The following CHUK variants were observed in gnomAD, a reference collection of about 807,000 sequenced individuals.
CHUK encodes the protein component of inhibitor of nuclear factor kappa B kinase complex.
Under a neutral mutation model 104.8 loss-of-function variants are expected in CHUK, and 35 were observed. That is an observed-to-expected ratio of 0.33 (90% CI 0.26 to 0.44). The LOEUF is 0.44. CHUK is among the 20% of genes least tolerant of loss of function. The pLI is 1.00. For synonymous variants in CHUK, 276 were observed against 291.9 expected, an observed-to-expected ratio of 0.95 and a Z score of 0.56; for missense variants, 663 against 902.7, an observed-to-expected ratio of 0.73 and a Z score of 3.40.
intron 19 of CHUK, among the ~76,000 whole-genome samples, chr10:100,191,516 A>G (rs994271030): frequency 6.6e-6 from 1 of 152,212 alleles, no homozygotes. Context: ...ACAGCAAAAG[A>G]AAACAGTGTG....
intron 19 of CHUK, among the ~76,000 whole-genome samples, chr10:100,191,628 C>G (rs575368044): frequency 6.6e-5 from 10 of 152,276 alleles, no homozygotes; most frequent in African/African-American, 2.2e-4. Context: ...TCTATATGGC[C>G]TCTAGCTTCT....
chr10:100,187,854 T>C (rs1339588207), downstream of CHUK: 3 of 152,226 alleles, frequency 2.0e-5, no homozygotes, highest in Non-Finnish European at 2.9e-5. Flanking sequence ...ATAATTGCAA[T>C]GCTTGGATGG....
chr10:100,191,037 G>A, intron 19 of CHUK, 69 bp from the exon 20 acceptor site: 1 of 935,436 alleles, frequency 1.1e-6, no homozygotes, highest in Non-Finnish European at 1.8e-6. Flanking sequence ...CTACTTTCTA[G>A]TCTTCTAGGT....
intron 16 of CHUK, among the ~76,000 whole-genome samples, chr10:100,197,312 T>C (rs1845355626): frequency 2.0e-5 from 3 of 152,202 alleles, no homozygotes; most frequent in Non-Finnish European, 4.4e-5. Context: ...ATGTGGCACC[T>C]CATGTTTAAG....
intron 2 of CHUK, among the ~76,000 whole-genome samples, chr10:100,224,332 T>G (rs1284941446): frequency 6.6e-6 from 1 of 152,206 alleles, no homozygotes; most frequent in Non-Finnish European, 1.5e-5. Context: ...CAGGAAAGAC[T>G]CTAAGCTAGA....
At position 100,229,548 on chromosome 10, in the gene CHUK, G is replaced by C. The variant is rs1395413324; in HGVS notation, c.-16C>G. The C allele has an allele frequency of 1.3e-6, 2 of 1,499,840 alleles. No individual in the cohort carries two copies. Among genetic ancestry groups the C allele is most frequent in the Non-Finnish European group, 1.8e-6 (2 of 1,117,656 alleles). The allele number at this position is 1,499,840 out of a possible 1,614,324, so 92.9% of individuals were successfully genotyped here. A position where few individuals can be genotyped will look rare whatever the true frequency, so the allele number is the denominator to read the frequency against. ...GCCGCTCCATGGGGCGGGAGGGCAA[G>C]CGGCCTCAGGTTCCACAGTTGTTCC... On this transcript the variant is annotated 5_prime_UTR_variant, in exon 1 of 21. Coordinates refer to ENST00000370397, the MANE Select transcript of CHUK (RefSeq NM_001278.5).
At position 100,189,128 on chromosome 10, in the gene CHUK, T is replaced by C. The variant is rs1345103488; in HGVS notation, c.*470A>G. Reference sequence around the variant, plus strand: ...GAATTTATTCTTCAAGAAATAGAACTTGTGAGCAGCCTTTTTAGAAAAAAA... The same window carrying C: ...GAATTTATTCTTCAAGAAATAGAACCTGTGAGCAGCCTTTTTAGAAAAAAA... On this transcript the variant is annotated 3_prime_UTR_variant, in exon 21 of 21. Transcript: ENST00000370397. 1 of 158,396 alleles carries C rather than the reference T, an allele frequency of 6.3e-6. No homozygotes were observed. Among genetic ancestry groups the C allele is most frequent in the African/African-American group, 2.4e-5 (1 of 41,524 alleles). The allele number at this position is 158,396 out of a possible 1,614,324, so 9.8% of individuals were successfully genotyped here. A position where few individuals can be genotyped will look rare whatever the true frequency, so the allele number is the denominator to read the frequency against.
In CHUK at chr10:100,222,985, T is replaced by C. The variant is rs758134015; in HGVS notation, c.201-5A>G. ...ACAACATTGGCATGGTTCAACCTAA[T>C]AAGAAAGAAAAACATTACAATAAAA... is the stretch of plus-strand genomic sequence containing the variant. On this transcript the variant is annotated splice_polypyrimidine_tract_variant and splice_region_variant and intron_variant, in intron 2 of 20. Coordinates refer to ENST00000370397, the MANE Select transcript of CHUK (RefSeq NM_001278.5). 1.1e-5 allele frequency: 16 copies of C among 1,451,888 alleles called. No homozygotes were observed. Among genetic ancestry groups the C allele is most frequent in the African/African-American group, 2.8e-5 (2 of 71,716 alleles). The allele number at this position is 1,451,888 out of a possible 1,614,324, so 89.9% of individuals were successfully genotyped here. A position where few individuals can be genotyped will look rare whatever the true frequency, so the allele number is the denominator to read the frequency against.
chr10:100,201,578 G>A (rs1273405549), intron 14 of CHUK, among the ~76,000 whole-genome samples: 1 of 152,180 alleles, frequency 6.6e-6, no homozygotes, highest in African/African-American at 2.4e-5. Flanking sequence ...AAACTAGCTG[G>A]ATGTGGTGGC....
intron 5 of CHUK, 93 bp downstream of exon 5, chr10:100,220,495 G>C (rs537324218): frequency 1.2e-6 from 1 of 864,028 alleles, no homozygotes; most frequent in African/African-American, 1.6e-5. Flanking sequence ...AGACTGTTAT[G>C]GGCATACAGC....
chr10:100,227,863 T>C (rs903429109), intron 1 of CHUK, among the ~76,000 whole-genome samples: 8 of 152,192 alleles, frequency 5.3e-5, no homozygotes, highest in African/African-American at 1.9e-4. Flanking sequence ...TTACTTTTCC[T>C]CTTGAATTAA....
intron 2 of CHUK, among the ~76,000 whole-genome samples, chr10:100,224,004 G>T (rs192137670): frequency 6.6e-6 from 1 of 152,208 alleles, no homozygotes; most frequent in East Asian, 1.9e-4. Flanking sequence ...GTAACAAACA[G>T]AATGTGGTGG....
At chr10:100,219,412 G>C (rs955731272) in intron 5 of CHUK, 53 bp from the exon 6 acceptor site, 2 of 1,035,600 alleles carry the variant, frequency 1.9e-6, no homozygotes, top group Non-Finnish European at 3.0e-6. Flanking sequence ...ATTTAAAAAG[G>C]AAAGACAACA....
intron 19 of CHUK, chr10:100,192,888 T>C (rs1431039250): frequency 3.5e-6 from 1 of 284,646 alleles, no homozygotes; most frequent in Non-Finnish European, 5.5e-6. Flanking sequence ...CCCAAAATGA[T>C]AAATGCAAAA....
At chr10:100,205,266 T>C in intron 11 of CHUK, 67 bp from the exon 12 acceptor site, 2 of 1,518,208 alleles carry the variant, frequency 1.3e-6, no homozygotes, top group Non-Finnish European at 1.8e-6. Context: ...TAGAGTTGAT[T>C]TATCATTCTT....
chr10:100,219,336 C>T lies in CHUK; in HGVS notation c.498G>A (p.Leu166=). Residue 166 remains leucine, a synonymous_variant, in exon 6 of 21, where the codon CTG becomes CTA. Transcript: ENST00000370397. The stretch of plus-strand genomic sequence containing the variant: ...CTTGATCAACATCTTTGGCATATCC[C>T]AGATCAATTATTTTATGTATTATCT... ...GGKIIHKIID[L]GYAKDVDQGS... is the part of the protein sequence containing the mutation. 1 of 1,582,194 alleles carries T rather than the reference C, an allele frequency of 6.3e-7. No individual in the cohort carries two copies. Among genetic ancestry groups the T allele is most frequent in the Non-Finnish European group, 8.7e-7 (1 of 1,151,006 alleles).
Position 100,194,432 on chromosome 10 carries a change from G to A in CHUK, c.1819C>T (p.His607Tyr), listed in dbSNP as rs752141973. ...ATGAAGCAATTTTCCTACCTCAAAT[G>A]ACCAAACAGCTCCTTGAGCACACGG... ...QDRVLKELFG[H>Y]LSKLLGCKQK... The change falls in exon 17 of 21, where the codon CAT (histidine) becomes TAT (tyrosine). Residue 607 changes from histidine (H) to tyrosine (Y), a missense_variant. By Grantham distance (83) the His-to-Tyr change is moderately conservative. Transcript: ENST00000370397. 6.2e-7 allele frequency: 1 copy of A among 1,609,786 alleles called. No individual in the cohort carries two copies. The highest frequency in any genetic ancestry group is 8.5e-7 in the Non-Finnish European group (1 of 1,176,204).
At chr10:100,211,922 G>A (rs1331812055) in intron 9 of CHUK, among the ~76,000 whole-genome samples, 5 of 150,240 alleles carry the variant, frequency 3.3e-5, no homozygotes, top group South Asian at 2.1e-4. Context: ...GCTGTGTCAC[G>A]CAGGCTGATG....
chr10:100,218,169 A>C (rs777064304), intron 8 of CHUK, 39 bp from the exon 9 acceptor site: 1 of 1,569,258 alleles, frequency 6.4e-7, no homozygotes, highest in Admixed American at 1.7e-5. Flanking sequence ...TCAAATCATT[A>C]TGTTCCAATT....
Sources: gnomAD v4.1 joint callset for allele counts (sites outside exome capture counted in the v4.1 genomes callset) on GRCh38, gnomAD v4.1.1 for gene constraint, MANE v1.5 for transcripts, NCBI Gene and HGNC (gene_info 2026-07-23, HGNC 2026-07-21) for gene names.